TRDN: variants seen among roughly 807,000 people sequenced by gnomAD.
The protein encoded by TRDN is triadin in skeletal muscle.
A neutral mutation model predicts 149.7 loss-of-function variants in TRDN; 161 were observed. That is an observed-to-expected ratio of 1.08 (90% confidence interval 0.95 to 1.23). The LOEUF (loss-of-function observed/expected upper bound fraction) is 1.23. Among genes scored for constraint, TRDN ranks in the 50% most tolerant of loss-of-function variants. TRDN has a pLI of 0.00. For synonymous variants in TRDN, 294 were observed against 250.5 expected, an observed-to-expected ratio of 1.17 and a Z score of -1.64; for missense variants, 896 against 823.5, an observed-to-expected ratio of 1.09 and a Z score of -1.08.
At chr6:123,464,431 A>G (rs1776666103) in intron 10 of TRDN, 1 of 953,288 alleles carries the variant, frequency 1.0e-6, no homozygotes, top group African/African-American at 1.8e-5. Flanking sequence ...CAATAACGCT[A>G]GGAGATCAGT....
intron 10 of TRDN, among the ~76,000 whole-genome samples, chr6:123,454,561 C>A (rs1775987992): frequency 6.6e-6 from 1 of 152,128 alleles, no homozygotes; most frequent in Admixed American, 6.5e-5. Flanking sequence ...CGAATGTGGC[C>A]AACTTCACAG....
At chr6:123,335,879 T>A (rs1462415465) in intron 22 of TRDN, among the ~76,000 whole-genome samples, 1 of 152,056 alleles carries the variant, frequency 6.6e-6, no homozygotes, top group African/African-American at 2.4e-5. Context: ...TGTATGTATA[T>A]CTTTTCCTGA....
intron 24 of TRDN, among the ~76,000 whole-genome samples, chr6:123,283,985 C>CATATATATATATATATATAT (rs57419103): frequency 0.035 from 2,014 of 56,912 alleles, 257 homozygotes; most frequent in East Asian, 0.13. Context: ...CAACATGGCA[C>CATATATATATATATATATAT]ATATATATAT....
chr6:123,271,039 CTGTGTGTGTGTG>C (rs35914221), intron 30 of TRDN, 88 bp downstream of exon 30: 22 of 420,414 alleles, frequency 5.2e-5, no homozygotes, highest in Non-Finnish European at 8.2e-5. Flanking sequence ...CAGTGAAGGG[CTGTGTGTGTGTG>C]TGTGTGTGTG....
intron 12 of TRDN, among the ~76,000 whole-genome samples, chr6:123,428,914 C>A (rs890154383): frequency 2.0e-5 from 3 of 152,050 alleles, no homozygotes; most frequent in Admixed American, 2.0e-4. Flanking sequence ...GATTTCCTTG[C>A]ATGTATTATG....
At chr6:123,246,945 A>C (rs1310265643) in intron 38 of TRDN, among the ~76,000 whole-genome samples, 3 of 152,214 alleles carry the variant, frequency 2.0e-5, no homozygotes, top group African/African-American at 4.8e-5. Context: ...AGGTTGGTTC[A>C]ACATGTGCAA....
intron 1 of TRDN, among the ~76,000 whole-genome samples, chr6:123,614,288 T>TAA (rs1216969453): frequency 8.8e-4 from 52 of 59,206 alleles, no homozygotes; most frequent in African/African-American, 1.9e-3. Flanking sequence ...AGTGCTTCAT[T>TAA]AAAAAAAAAA....
intron 2 of TRDN, among the ~76,000 whole-genome samples, chr6:123,566,535 C>G (rs1398999569): frequency 6.6e-6 from 1 of 152,178 alleles, no homozygotes; most frequent in South Asian, 2.1e-4. Flanking sequence ...TATGAACAAC[C>G]TTTTCATGGC....
At chr6:123,306,600 T>G (rs1778620375) in intron 24 of TRDN, among the ~76,000 whole-genome samples, 1 of 152,098 alleles carries the variant, frequency 6.6e-6, no homozygotes, top group Non-Finnish European at 1.5e-5. Flanking sequence ...ATCTATAGCT[T>G]CCGAGATAAC....
chr6:123,478,191 T>C (rs113079668), intron 9 of TRDN, among the ~76,000 whole-genome samples: 2,966 of 152,260 alleles, frequency 0.019, 85 homozygotes, highest in African/African-American at 0.067. Flanking sequence ...TTTTACCTGT[T>C]ACCATAAATG....
intron 12 of TRDN, among the ~76,000 whole-genome samples, chr6:123,426,674 C>T (rs1774132814): frequency 6.6e-6 from 1 of 152,082 alleles, no homozygotes; most frequent in African/African-American, 2.4e-5. Context: ...ATATGCCTTT[C>T]CTTCTGGTGT....
intron 22 of TRDN, among the ~76,000 whole-genome samples, chr6:123,332,356 T>C (rs1261560025): frequency 6.6e-6 from 1 of 152,048 alleles, no homozygotes; most frequent in African/African-American, 2.4e-5. Flanking sequence ...ACATATCATG[T>C]ATGTAGCGGT....
intron 2 of TRDN, among the ~76,000 whole-genome samples, chr6:123,561,115 T>A (rs1259342215): frequency 2.6e-5 from 4 of 152,198 alleles, no homozygotes; most frequent in Non-Finnish European, 5.9e-5. Flanking sequence ...CCACAGGGTC[T>A]GAGAAGGCCA....
intron 9 of TRDN, among the ~76,000 whole-genome samples, chr6:123,478,004 C>G (rs537793646): frequency 6.6e-6 from 1 of 150,412 alleles, no homozygotes; most frequent in Non-Finnish European, 1.5e-5. Context: ...CACATGTATA[C>G]GTATGTAACT....
intron 38 of TRDN, among the ~76,000 whole-genome samples, chr6:123,249,217 A>G (rs1320948681): frequency 6.6e-6 from 1 of 152,194 alleles, no homozygotes; most frequent in East Asian, 1.9e-4. Context: ...TATGACAGAA[A>G]TTAAAACCAT....
At position 123,458,314 on chromosome 6, in the gene TRDN, A is replaced by T. The variant is rs554007607; in HGVS notation, c.931+6592T>A. On this transcript the variant is annotated intron_variant, in intron 10 of 40. Transcript: ENST00000334268. ...TGGTAACACTTATTTGATCAAAGAT[A>T]AGTCTAGATGTTTCTACAAAGGTAG... Among the ~76,000 whole-genome samples, 4 of 152,348 alleles carry T rather than the reference A, an allele frequency of 2.6e-5. No homozygotes were observed. The East Asian group carries it at 7.7e-4, about 29-fold the overall frequency.
intron 24 of TRDN, among the ~76,000 whole-genome samples, chr6:123,302,205 T>C (rs901310988): frequency 5.3e-5 from 8 of 152,078 alleles, no homozygotes; most frequent in African/African-American, 1.4e-4. Context: ...TTAAGTGATA[T>C]GAGCCAAAGA....
chr6:123,227,808 C>T (rs564189037), intron 38 of TRDN, among the ~76,000 whole-genome samples: 3 of 151,936 alleles, frequency 2.0e-5, no homozygotes, highest in South Asian at 4.1e-4. Flanking sequence ...AGTGCAATGA[C>T]GCCATCCTGG....
chr6:123,457,527 C>A, intron 10 of TRDN: 1 of 433,478 alleles, frequency 2.3e-6, no homozygotes, highest in Non-Finnish European at 4.6e-6. Flanking sequence ...GCTCATAATT[C>A]ATGGGGAACT....
Sources: allele counts gnomAD v4.1 joint callset (sites outside exome capture counted in the v4.1 genomes callset), GRCh38; gene constraint gnomAD v4.1.1; transcripts MANE v1.5; gene names NCBI Gene and HGNC (gene_info 2026-07-23, HGNC 2026-07-21).